The following PRICKLE2 variants were observed in gnomAD, a reference collection of about 807,000 sequenced individuals.
PRICKLE2 encodes the protein prickle planar cell polarity protein 2.
PRICKLE2 carries 21 observed loss-of-function variants against 81.4 expected under a neutral mutation model. The ratio of observed to expected loss-of-function variants is 0.26; its 90% CI spans 0.18 to 0.37. The LOEUF (loss-of-function observed/expected upper bound fraction) is 0.37, where lower values mean the gene tolerates loss of function less well. PRICKLE2 is among the 10% of genes least tolerant of loss of function. PRICKLE2 has a pLI of 1.00. For synonymous variants in PRICKLE2, 456 were observed against 421.5 expected, an observed-to-expected ratio of 1.08 and a Z score of -1.00; for missense variants, 940 against 1,109.0, an observed-to-expected ratio of 0.85 and a Z score of 2.16.
intron 2 of PRICKLE2, among the ~76,000 whole-genome samples, chr3:64,166,882 G>A (rs887435494): frequency 1.3e-4 from 20 of 152,174 alleles, no homozygotes; most frequent in African/African-American, 4.8e-4. Context: ...TTAGCTTTGT[G>A]TCGCCTCCTG....
chr3:64,258,811 A>G (rs1476087242), intron 2 of PRICKLE2, among the ~76,000 whole-genome samples: 23 of 135,082 alleles, frequency 1.7e-4, no homozygotes, highest in African/African-American at 5.0e-4. Flanking sequence ...GCGACAGAGC[A>G]AGACTCTGTC....
At chr3:64,140,157 A>T (rs2077338432) in intron 7 of PRICKLE2, among the ~76,000 whole-genome samples, 1 of 152,180 alleles carries the variant, frequency 6.6e-6, no homozygotes, top group South Asian at 2.1e-4. Flanking sequence ...TTCACATTAC[A>T]ACCCTGAAAA....
intron 2 of PRICKLE2, among the ~76,000 whole-genome samples, chr3:64,230,783 C>A (rs2079090674): frequency 6.6e-6 from 1 of 152,156 alleles, no homozygotes; most frequent in South Asian, 2.1e-4. Flanking sequence ...TTATCAAAGG[C>A]TTCGGTAAGA....
At chr3:64,234,463 G>A (rs771354785) in intron 2 of PRICKLE2, among the ~76,000 whole-genome samples, 15 of 152,062 alleles carry the variant, frequency 9.9e-5, no homozygotes, top group Non-Finnish European at 2.1e-4. Context: ...ACCTTCTTTG[G>A]AGAAACGTAT....
Position 64,259,824 on chromosome 3 carries a change from G to A in PRICKLE2, c.129-60857C>T, listed in dbSNP as rs139020048. ...GGATTGTTGGCAGCCACAAGAAGCCGGGACAGACTCTCTCCCAGAGACAGC... is the reference window on the plus strand; with the variant it reads ...GGATTGTTGGCAGCCACAAGAAGCCAGGACAGACTCTCTCCCAGAGACAGC... On this transcript the variant is annotated intron_variant, in intron 2 of 8. Transcript: ENST00000295902. 9.9e-5 allele frequency among the ~76,000 whole-genome samples: 15 copies of A among 152,182 alleles called. No individual in the cohort carries two copies. The East Asian group carries it at 1.2e-3, about 12-fold the overall frequency.
intron 2 of PRICKLE2, among the ~76,000 whole-genome samples, chr3:64,182,995 T>C (rs1257290253): frequency 2.0e-5 from 3 of 152,282 alleles, no homozygotes; most frequent in Admixed American, 1.3e-4. Context: ...AATTTAAATG[T>C]ATTATACCCA....
At chr3:64,188,111 G>A (rs2078268489) in intron 2 of PRICKLE2, among the ~76,000 whole-genome samples, 1 of 152,218 alleles carries the variant, frequency 6.6e-6, no homozygotes, top group Non-Finnish European at 1.5e-5. Flanking sequence ...ACGCAAATCT[G>A]CTTCAGTGTC....
rs532387838 is a variant in PRICKLE2, at chr3:64,096,931, A to G, written c.*2120T>C. 7.9e-5 allele frequency: 12 copies of G among 152,588 alleles called. No homozygotes were observed. The highest frequency in any genetic ancestry group is 2.9e-4 in the African/African-American group (12 of 41,430). 9.5% of individuals were successfully genotyped at this position (152,588 alleles called of 1,614,324 possible). On this transcript the variant is annotated 3_prime_UTR_variant, in exon 8 of 8. Coordinates refer to ENST00000638394, the MANE Select transcript of PRICKLE2 (RefSeq NM_198859.4). ...CAAAATTGCCTTTTTAGTTTCATCAATCAAGGAACTTAAAACTCCAAATTG... is the reference window on the plus strand; with the variant it reads ...CAAAATTGCCTTTTTAGTTTCATCAGTCAAGGAACTTAAAACTCCAAATTG...
intron 2 of PRICKLE2, among the ~76,000 whole-genome samples, chr3:64,259,943 G>A (rs1029330768): frequency 2.6e-5 from 4 of 152,248 alleles, no homozygotes; most frequent in Non-Finnish European, 5.9e-5. Context: ...ATTTGGTACA[G>A]CAGCCCTAGG....
intron 2 of PRICKLE2, among the ~76,000 whole-genome samples, chr3:64,181,817 G>A (rs149673168): frequency 3.9e-5 from 6 of 152,276 alleles, no homozygotes; most frequent in Admixed American, 3.9e-4. Flanking sequence ...ACTTTGGCTT[G>A]AGTGAATATG....
rs148187359 is a variant in PRICKLE2 at position 64,267,643 on chromosome 3, T to C, written c.129-68676A>G. On this transcript the variant is annotated intron_variant, in intron 2 of 8. Transcript: ENST00000295902. Reference sequence around the variant, plus strand: ...TAGTCCTAATACAATAATACCACCATCGCCTCGTGATATTATGATTACCAT... The same window carrying C: ...TAGTCCTAATACAATAATACCACCACCGCCTCGTGATATTATGATTACCAT... Among the ~76,000 whole-genome samples the C allele has an allele frequency of 2.9e-3, 447 of 152,244 alleles. 1 individual carries two copies. Among genetic ancestry groups the C allele is most frequent in the Non-Finnish European group, 4.9e-3 (332 of 68,014 alleles).
At chr3:64,123,190 A>T (rs185380871) in intron 7 of PRICKLE2, among the ~76,000 whole-genome samples, 61 of 152,304 alleles carry the variant, frequency 4.0e-4, no homozygotes, top group African/African-American at 1.3e-3. Context: ...TCTTATTTCT[A>T]GGAATTTATG....
chr3:64,109,249 TA>T (rs1198302521), intron 7 of PRICKLE2, among the ~76,000 whole-genome samples: 2 of 152,172 alleles, frequency 1.3e-5, no homozygotes, highest in African/African-American at 2.4e-5. Context: ...CTCTAAAAGT[TA>T]TTTTCTCTCT....
intron 2 of PRICKLE2, among the ~76,000 whole-genome samples, chr3:64,184,103 G>T (rs530802762): frequency 1.6e-4 from 24 of 152,302 alleles, no homozygotes; most frequent in African/African-American, 5.3e-4. Context: ...CTATGGACAA[G>T]AACTTCAGAC....
upstream of PRICKLE2, among the ~76,000 whole-genome samples, chr3:64,228,795 G>A (rs1240463462): frequency 1.3e-5 from 2 of 152,144 alleles, no homozygotes; most frequent in African/African-American, 4.8e-5. Context: ...GGATGCAACT[G>A]TCGACCTTCA....
intron 1 of PRICKLE2, among the ~76,000 whole-genome samples, chr3:64,207,581 A>C (rs2078709629): frequency 6.6e-6 from 1 of 152,158 alleles, no homozygotes; most frequent in African/African-American, 2.4e-5. Context: ...TGCATTATTC[A>C]ATCCAGATAA....
chr3:64,184,150 C>T (rs936226291), intron 2 of PRICKLE2, among the ~76,000 whole-genome samples: 1 of 152,160 alleles, frequency 6.6e-6, no homozygotes, highest in African/African-American at 2.4e-5. Context: ...TAGGCCTTAC[C>T]AAGAAAAGTG....
At chr3:64,211,479 C>G (rs888073494) in intron 1 of PRICKLE2, among the ~76,000 whole-genome samples, 1 of 152,036 alleles carries the variant, frequency 6.6e-6, no homozygotes, top group Non-Finnish European at 1.5e-5. Context: ...GAAATGTATA[C>G]AGATAAGGGA....
chr3:64,162,647 C>T (rs529243750), intron 3 of PRICKLE2, among the ~76,000 whole-genome samples: 1 of 152,270 alleles, frequency 6.6e-6, no homozygotes, highest in Admixed American at 6.5e-5. Context: ...TTTTGTAGGA[C>T]TTGAAGTGGT....
Sources: gnomAD v4.1 joint callset for allele counts (sites outside exome capture counted in the v4.1 genomes callset) on GRCh38, gnomAD v4.1.1 for gene constraint, MANE v1.5 for transcripts, NCBI Gene and HGNC (gene_info 2026-07-23, HGNC 2026-07-21) for gene names.